The following CDC42BPB variants were observed in gnomAD, a reference collection of about 807,000 sequenced individuals.
The protein encoded by CDC42BPB is serine/threonine-protein kinase MRCK beta.
Under a neutral mutation model 214.9 loss-of-function variants are expected in CDC42BPB, and 37 were observed. That is an observed-to-expected ratio of 0.17 (90% CI 0.13 to 0.23). The LOEUF (loss-of-function observed/expected upper bound fraction) is 0.23, where lower values mean the gene tolerates loss of function less well. Ranked by LOEUF, CDC42BPB falls within the 10% of genes least tolerant of loss-of-function variation. The pLI is 1.00. For missense variants in CDC42BPB, 1,694 were observed against 2,227.0 expected (o/e 0.76, Z 4.82); for synonymous variants, 931 against 884.0 (o/e 1.05, Z -0.94).
At chr14:103,014,543 C>T (rs965314611) in intron 1 of CDC42BPB, among the ~76,000 whole-genome samples, 1 of 152,146 alleles carries the variant, frequency 6.6e-6, no homozygotes, top group East Asian at 1.9e-4. Context: ...AAAACACATG[C>T]GATCTGACAC....
chr14:103,032,829 AC>A (rs1215401597), intron 1 of CDC42BPB, among the ~76,000 whole-genome samples: 1 of 150,764 alleles, frequency 6.6e-6, no homozygotes, highest in African/African-American at 2.4e-5. Flanking sequence ...TCATCATGTT[AC>A]CCAGGCTGGT....
At chr14:103,032,205 C>T (rs1180786194) in intron 1 of CDC42BPB, among the ~76,000 whole-genome samples, 1 of 151,986 alleles carries the variant, frequency 6.6e-6, no homozygotes, top group African/African-American at 2.4e-5. Context: ...CCTCTCATGC[C>T]CACCCACGAG....
At chr14:102,997,148 G>A (rs901186249) in intron 5 of CDC42BPB, among the ~76,000 whole-genome samples, 3 of 152,134 alleles carry the variant, frequency 2.0e-5, no homozygotes, top group Non-Finnish European at 4.4e-5. Flanking sequence ...TCACCACGGA[G>A]GGGGCCCGAG....
At chr14:103,048,532 C>T (rs866656225) in intron 1 of CDC42BPB, among the ~76,000 whole-genome samples, 1 of 42,656 alleles carries the variant, frequency 2.3e-5, no homozygotes, top group African/African-American at 9.2e-5. Flanking sequence ...ACTAAAAATA[C>T]AAAAAAAAAA....
chr14:102,963,653 T>C (rs1595471559), intron 19 of CDC42BPB, among the ~76,000 whole-genome samples: 1 of 152,336 alleles, frequency 6.6e-6, no homozygotes, highest in Middle Eastern at 3.4e-3. Flanking sequence ...TGGGGGCTGG[T>C]CCACTCATCA....
rs1396726023 is a variant in CDC42BPB at position 102,950,469 on chromosome 14, G to C, written c.3306C>G (p.Val1102=). The change falls in exon 25 of 37, where the codon GTC becomes GTG. Residue 1102 remains valine, a synonymous_variant. Coordinates refer to ENST00000361246, the MANE Select transcript of CDC42BPB (RefSeq NM_006035.4). ...RGIGTAYKGH[V]KVPKPTGVKK... ...GGGCGGAGATGAAGCCGCCTACCTT[G>C]ACATGGCCTTTGTAGGCTGTTCCGA... The C allele has an allele frequency of 1.9e-6, 3 of 1,613,018 alleles. No homozygotes were observed. In the South Asian group the frequency reaches 3.3e-5, roughly 18 times the overall value.
intron 3 of CDC42BPB, among the ~76,000 whole-genome samples, chr14:103,007,061 T>C (rs555803384): frequency 4.6e-5 from 7 of 151,670 alleles, no homozygotes; most frequent in African/African-American, 1.5e-4. Flanking sequence ...GATGACTGAG[T>C]GAAGATGGAG....
chr14:102,990,502 G>C (rs1894444423), intron 5 of CDC42BPB, among the ~76,000 whole-genome samples: 1 of 152,194 alleles, frequency 6.6e-6, no homozygotes, highest in South Asian at 2.1e-4. Flanking sequence ...CAAAAGTCTG[G>C]AAAGGGAGGA....
In CDC42BPB at chr14:102,944,466, C is replaced by A. The variant is rs778749230; in HGVS notation, c.3833G>T (p.Cys1278Phe). The change falls in exon 30 of 37, where the codon TGT becomes TTT. Residue 1278 changes from cysteine to phenylalanine, a missense_variant. By Grantham distance (205) the Cys-to-Phe change is radical (BLOSUM62 -2). Coordinates refer to ENST00000361246, the MANE Select transcript of CDC42BPB (RefSeq NM_006035.4). This position sits in a 1 kb window ranked among gnomAD's most constrained non-coding sequence, Gnocchi z 6.6. ...TRDVIVRAAD[C>F]KKVHQIELAP... is the part of the protein sequence containing the mutation. Reference sequence around the variant, plus strand: ...AAGCTCGATCTGGTGTACCTTCTTACAGTCAGCGGCACGGACGATCACTGT... The same window carrying A: ...AAGCTCGATCTGGTGTACCTTCTTAAAGTCAGCGGCACGGACGATCACTGT... 4 of 1,612,014 alleles carry A rather than the reference C, an allele frequency of 2.5e-6. No homozygotes were observed.
In CDC42BPB at chr14:103,051,363, G is replaced by C. The variant is rs574358343; in HGVS notation, c.175+5636C>G. Among the ~76,000 whole-genome samples the C allele has an allele frequency of 1.5e-4, 22 of 150,540 alleles. No individual in the cohort carries two copies. The South Asian group carries it at 4.4e-3, about 30-fold the overall frequency. ...AAACAAACGTGGTCAAGGACTAATA[G>C]GTATTATGTTATGGGTTTTGGGATG... On this transcript the variant is annotated intron_variant, in intron 1 of 36. Transcript: ENST00000361246.
chr14:103,057,004 T>G lies in CDC42BPB; in HGVS notation c.170A>C (p.Glu57Ala). ...CCCTGCCGGCGCGCACTTACCCCAC[T>G]CGAGGAACTCGGCCACGTACTTGTC... ...RRDKYVAEFL[E>A]WAKPFTQLVK... is the part of the protein sequence containing the mutation. Residue 57 changes from glutamate (E) to alanine (A), a missense_variant, in exon 1 of 37, where the codon GAG becomes GCG. By Grantham distance (107) the Glu-to-Ala change is moderately radical. Around this residue, in one of 7 missense-constraint regions of CDC42BPB, gnomAD observed 83 missense variants for 79.9 expected, o/e 1.04. Transcript: ENST00000361246. 5 of 1,462,048 alleles carry G rather than the reference T, an allele frequency of 3.4e-6. No individual in the cohort carries two copies. Among genetic ancestry groups the G allele is most frequent in the East Asian group, 5.8e-5 (2 of 34,546 alleles). The allele number at this position is 1,462,048 out of a possible 1,614,324, so 90.6% of individuals were successfully genotyped here.
rs557001953 is a variant in CDC42BPB, at chr14:102,945,000, C to T, written c.3812-513G>A. Among the ~76,000 whole-genome samples the T allele has an allele frequency of 6.6e-6, 1 of 152,336 alleles. No homozygotes were observed. The highest frequency in any genetic ancestry group is 2.1e-4 in the South Asian group (1 of 4,828). On this transcript the variant is annotated intron_variant, in intron 29 of 36. Transcript: ENST00000361246. The surrounding 1 kb of genome is among the most constrained non-coding windows in gnomAD (Gnocchi z 6.6). ...ACTGCCCTCACACTCACACGGCCCC[C>T]AGTGAAGACGCCGCCCTCACACGGC...
chr14:102,981,327 C>T (rs1196289663), intron 7 of CDC42BPB: 16 of 315,698 alleles, frequency 5.1e-5, no homozygotes, highest in Admixed American at 6.5e-5. Context: ...GGCGCAGCCC[C>T]GTCAGAATGC....
intron 1 of CDC42BPB, among the ~76,000 whole-genome samples, chr14:103,056,042 A>G (rs1291303221): frequency 1.3e-5 from 2 of 152,178 alleles, no homozygotes; most frequent in Non-Finnish European, 2.9e-5. Context: ...GATGAAGTAA[A>G]AGAGTTTCAC....
chr14:103,049,614 T>TA (rs1247314088), intron 1 of CDC42BPB, among the ~76,000 whole-genome samples: 55 of 152,260 alleles, frequency 3.6e-4, no homozygotes, highest in African/African-American at 1.3e-3. Context: ...TAGTACCGCT[T>TA]AGTTTCCAAA....
chr14:102,975,752 T>C lies in CDC42BPB; in HGVS notation c.1439A>G (p.Asn480Ser), dbSNP rs754531547. 31 of 1,614,066 alleles carry C rather than the reference T, an allele frequency of 1.9e-5. 1 individual carries two copies. In the Admixed American group the frequency reaches 2.0e-4, roughly 10 times the overall value. ...TTTGATTTCTTTATCTCGGTTTGAA[T>C]TGCTGAGGGCCCGAGATGAGCCGTG... ...SLHGSSRALS[N>S]SNRDKEIKKL... Residue 480 changes from asparagine (N) to serine (S), a missense_variant, in exon 11 of 37, where the codon AAT (asparagine) becomes AGT (serine). By Grantham distance (46) the Asn-to-Ser change is conservative. Transcript: ENST00000361246.
intron 16 of CDC42BPB, 31 bp downstream of exon 16, chr14:102,968,222 A>G: frequency 6.6e-7 from 1 of 1,508,586 alleles, no homozygotes; most frequent in South Asian, 1.2e-5. Flanking sequence ...TTCCACACAA[A>G]GTGCTAACTC....
chr14:102,953,201 C>T (rs993957132), intron 23 of CDC42BPB, among the ~76,000 whole-genome samples: 3 of 152,226 alleles, frequency 2.0e-5, no homozygotes, highest in East Asian at 1.9e-4. Context: ...GAGACCAATA[C>T]GATCCTCAGC....
intron 1 of CDC42BPB, among the ~76,000 whole-genome samples, chr14:103,021,428 T>G (rs1286636535): frequency 1.3e-5 from 2 of 151,370 alleles, no homozygotes; most frequent in African/African-American, 4.9e-5. Context: ...ATCGCGCCAC[T>G]GCACTCCAGC....
Sources: allele counts gnomAD v4.1 joint callset (sites outside exome capture counted in the v4.1 genomes callset), GRCh38; gene constraint gnomAD v4.1.1; regional missense constraint gnomAD v4.1.1; non-coding constraint Gnocchi (gnomAD v3.1); transcripts MANE v1.5; gene names NCBI Gene and HGNC (gene_info 2026-07-23, HGNC 2026-07-21).